CSMD1: variants seen among roughly 807,000 people sequenced by gnomAD.
CSMD1 encodes CUB and sushi domain-containing protein 1.
A neutral mutation model predicts 417.5 loss-of-function variants in CSMD1; 213 were observed. The ratio of observed to expected loss-of-function variants is 0.51; its 90% CI spans 0.46 to 0.57. The LOEUF (loss-of-function observed/expected upper bound fraction) is 0.57, where lower values mean the gene tolerates loss of function less well. CSMD1 is among the 20% of genes least tolerant of loss of function. The probability of loss-of-function intolerance (pLI) is 0.00; values close to 1 mark genes in which losing one functional copy is unlikely to be tolerated. For missense variants in CSMD1, 6,923 were observed against 4,529.7 expected (o/e 1.53, Z -15.17); for synonymous variants, 2,862 against 1,736.8 (o/e 1.65, Z -16.11).
chr8:4,131,433 CCT>C (rs1803097070), intron 3 of CSMD1, among the ~76,000 whole-genome samples: 1 of 152,108 alleles, frequency 6.6e-6, no homozygotes, highest in Non-Finnish European at 1.5e-5. Flanking sequence ...CTCAACTACC[CCT>C]GAGGTCAAAT....
At chr8:4,370,587 G>C (rs990798743) in intron 3 of CSMD1, among the ~76,000 whole-genome samples, 3 of 152,068 alleles carry the variant, frequency 2.0e-5, no homozygotes, top group Non-Finnish European at 2.9e-5. Context: ...GTTGTGTTTG[G>C]TCTCTTTGCA....
chr8:4,505,620 C>A (rs1802482325), intron 2 of CSMD1, among the ~76,000 whole-genome samples: 1 of 152,038 alleles, frequency 6.6e-6, no homozygotes, highest in African/African-American at 2.4e-5. Context: ...AGAGAAGTTT[C>A]TTTCTTTCTA....
chr8:4,199,160 C>G (rs1267064555), intron 3 of CSMD1, among the ~76,000 whole-genome samples: 1 of 152,148 alleles, frequency 6.6e-6, no homozygotes, highest in Non-Finnish European at 1.5e-5. Flanking sequence ...ACGTATCCAG[C>G]ACAGCACTGG....
chr8:3,396,167 G>C, intron 17 of CSMD1, 27 bp downstream of exon 17: 1 of 1,543,882 alleles, frequency 6.5e-7, no homozygotes, highest in Non-Finnish European at 8.8e-7. Flanking sequence ...CTGCCCTGCC[G>C]GGCTGTCAAG....
At chr8:3,450,013 T>G (rs1353944041) in intron 12 of CSMD1, among the ~76,000 whole-genome samples, 1 of 152,198 alleles carries the variant, frequency 6.6e-6, no homozygotes, top group Non-Finnish European at 1.5e-5. Context: ...CACCAGCTCC[T>G]CCTCATCGAT....
intron 1 of CSMD1, among the ~76,000 whole-genome samples, chr8:4,950,043 C>A (rs7004552): frequency 9.9e-5 from 15 of 152,002 alleles, no homozygotes; most frequent in Admixed American, 7.9e-4. Flanking sequence ...AATAATGGCA[C>A]AGGGAAGAAC....
chr8:3,097,222 C>T (rs1815371904), intron 46 of CSMD1, among the ~76,000 whole-genome samples, 185 bp from the exon 47 acceptor site: 1 of 152,130 alleles, frequency 6.6e-6, no homozygotes, highest in Non-Finnish European at 1.5e-5. Flanking sequence ...GAGAATTGTG[C>T]ATCTTTCTCT....
At chr8:3,370,411 C>T (rs1809872684) in intron 18 of CSMD1, among the ~76,000 whole-genome samples, 1 of 152,206 alleles carries the variant, frequency 6.6e-6, no homozygotes, top group African/African-American at 2.4e-5. Context: ...AACCTCTCCA[C>T]CTGCAGTTGT....
intron 6 of CSMD1, among the ~76,000 whole-genome samples, chr8:3,709,992 C>A (rs1340812722): frequency 6.6e-6 from 1 of 151,830 alleles, no homozygotes; most frequent in African/African-American, 2.4e-5. Context: ...CTGATTATAT[C>A]TTTTGGCTCC....
chr8:3,430,114 T>C (rs938702322), intron 12 of CSMD1, among the ~76,000 whole-genome samples: 6 of 152,146 alleles, frequency 3.9e-5, no homozygotes, highest in African/African-American at 1.4e-4. Flanking sequence ...CACATATACA[T>C]ATATACACAC....
At position 4,095,969 on chromosome 8, in the gene CSMD1, A is replaced by G. The variant is rs1003682166; in HGVS notation, c.416-63870T>C. 3.2e-4 allele frequency among the ~76,000 whole-genome samples: 48 copies of G among 152,196 alleles called. 1 individual carries two copies. The highest frequency in any genetic ancestry group is 1.9e-4 in the African/African-American group (8 of 41,456). On this transcript the variant is annotated intron_variant, in intron 3 of 69. Transcript: ENST00000635120. ...GATTCATGCCTAAAAGAAGGACAAAATATTTCTTAACCAAAAACCCAGAGT... is the reference window on the plus strand; with the variant it reads ...GATTCATGCCTAAAAGAAGGACAAAGTATTTCTTAACCAAAAACCCAGAGT...
chr8:3,520,610 G>C (rs527261515), intron 10 of CSMD1, among the ~76,000 whole-genome samples: 1 of 152,250 alleles, frequency 6.6e-6, no homozygotes, highest in African/African-American at 2.4e-5. Context: ...TTTACTGCTT[G>C]CTCATTCACT....
chr8:3,382,201 G>A (rs1295321666), intron 18 of CSMD1, among the ~76,000 whole-genome samples: 1 of 151,878 alleles, frequency 6.6e-6, no homozygotes, highest in Non-Finnish European at 1.5e-5. Context: ...GGAGGTTTTA[G>A]TGAGCCGAGA....
intron 49 of CSMD1, among the ~76,000 whole-genome samples, chr8:3,061,045 A>G (rs145863730): frequency 0.01 from 1,596 of 152,340 alleles, 11 homozygotes; most frequent in Middle Eastern, 0.02. Flanking sequence ...GTTATTTTAT[A>G]CTAATGTTTA....
chr8:4,789,160 A>G (rs1220883498), intron 1 of CSMD1, among the ~76,000 whole-genome samples: 1 of 152,204 alleles, frequency 6.6e-6, no homozygotes, highest in African/African-American at 2.4e-5. Flanking sequence ...ACAATGTTGT[A>G]TGTTCAGATG....
At chr8:3,350,854 TTA>T (rs1491282235) in intron 21 of CSMD1, among the ~76,000 whole-genome samples, 2 of 146,834 alleles carry the variant, frequency 1.4e-5, no homozygotes, top group African/African-American at 2.5e-5. Flanking sequence ...GGGATTTTTT[TTA>T]AAAAAAGCAG....
chr8:3,865,942 G>C (rs774918219), intron 5 of CSMD1, among the ~76,000 whole-genome samples: 2 of 152,098 alleles, frequency 1.3e-5, no homozygotes, highest in African/African-American at 4.8e-5. Flanking sequence ...TTTCCCTCGT[G>C]TCTGGGAATG....
intron 27 of CSMD1, among the ~76,000 whole-genome samples, chr8:3,226,417 T>A (rs1337509437): frequency 2.6e-5 from 4 of 151,906 alleles, no homozygotes; most frequent in Non-Finnish European, 5.9e-5. Context: ...ACCTAGTCTC[T>A]ACTAAAAATA....
intron 1 of CSMD1, among the ~76,000 whole-genome samples, chr8:4,729,535 A>G (rs2116948303): frequency 6.6e-6 from 1 of 152,356 alleles, no homozygotes; most frequent in African/African-American, 2.4e-5. Context: ...ATGCATTTTT[A>G]TGCTGTTGAG....
Sources: allele counts gnomAD v4.1 joint callset (sites outside exome capture counted in the v4.1 genomes callset), GRCh38; gene constraint gnomAD v4.1.1; transcripts MANE v1.5; gene names NCBI Gene and HGNC (gene_info 2026-07-23, HGNC 2026-07-21).